Variants in GCFC2 observed in about 807,000 individuals in gnomAD.
GCFC2 encodes GC-rich sequence DNA-binding factor 2.
In GCFC2, 102 loss-of-function variants were observed where a neutral mutation model predicts 99.4. The ratio of observed to expected loss-of-function variants is 1.03; its 90% CI spans 0.87 to 1.21. GCFC2 has a LOEUF of 1.21. Among genes scored for constraint, GCFC2 ranks in the 50% most tolerant of loss-of-function variants. The probability of loss-of-function intolerance (pLI) is 0.00; values close to 1 mark genes in which losing one functional copy is unlikely to be tolerated. For synonymous variants in GCFC2, 338 were observed against 316.8 expected, an observed-to-expected ratio of 1.07 and a Z score of -0.71; for missense variants, 973 against 920.9, an observed-to-expected ratio of 1.06 and a Z score of -0.73.
chr2:75,679,017 G>T (rs1231142741), intron 12 of GCFC2, among the ~76,000 whole-genome samples: 1 of 152,162 alleles, frequency 6.6e-6, no homozygotes, highest in African/African-American at 2.4e-5. Context: ...TTTAAATAGG[G>T]CTGCTGGGAT....
intron 12 of GCFC2, among the ~76,000 whole-genome samples, chr2:75,678,136 T>A (rs1195699500): frequency 1.3e-5 from 2 of 152,182 alleles, no homozygotes; most frequent in African/African-American, 4.8e-5. Flanking sequence ...TTAAAATAAA[T>A]ACATTTCACA....
chr2:75,690,176 G>C, intron 8 of GCFC2, 95 bp from the exon 9 acceptor site: 1 of 698,686 alleles, frequency 1.4e-6, no homozygotes, highest in Non-Finnish European at 2.5e-6. Flanking sequence ...CTGAAAATAA[G>C]TAATTTTATC....
In GCFC2 at chr2:75,692,085, C is replaced by G. The variant is rs1173535348; in HGVS notation, c.1036G>C (p.Glu346Gln). 2 of 1,488,928 alleles carry G rather than the reference C, an allele frequency of 1.3e-6. No homozygotes were observed. The highest frequency in any genetic ancestry group is 1.8e-6 in the Non-Finnish European group (2 of 1,103,654). 92.2% of individuals were successfully genotyped at this position (1,488,928 alleles called of 1,614,324 possible). A position where few individuals can be genotyped will look rare whatever the true frequency, so the allele number is the denominator to read the frequency against. ...AGTGCATGCATGGATGATTCTATTT[C>G]TTGGATGTTGATAATCTGAAATACA... The part of the protein sequence containing the change: ...CLNEKIINIQ[E>Q]IESSMHALLL... Residue 346 changes from glutamate (E) to glutamine (Q), a missense_variant, in exon 7 of 17, where the codon GAA becomes CAA. By Grantham distance (29) the Glu-to-Gln change is conservative (BLOSUM62 2). Transcript: ENST00000321027.
At chr2:75,685,503 A>T (rs1679773654) in intron 11 of GCFC2, among the ~76,000 whole-genome samples, 1 of 152,052 alleles carries the variant, frequency 6.6e-6, no homozygotes, top group South Asian at 2.1e-4. Context: ...TTCTTCCTAG[A>T]AACACTGTCT....
chr2:75,673,485 C>A lies in GCFC2; in HGVS notation c.1848G>T (p.Lys616Asn). ...GAATAAAAACATCATCTTCTACTGCCTTTTTCATTCTTGAAACAATGGATT... is the reference window on the plus strand; with the variant it reads ...GAATAAAAACATCATCTTCTACTGCATTTTTCATTCTTGAAACAATGGATT... ...LLKSIVSRMK[K>N]AVEDDVFIPL... Residue 616 changes from lysine (K) to asparagine (N), a missense_variant, in exon 13 of 17, where the codon AAG becomes AAT. Lys to Asn is a moderately conservative substitution (Grantham distance 94, BLOSUM62 0). Transcript: ENST00000321027. The A allele has an allele frequency of 7.0e-7, 1 of 1,418,784 alleles. No homozygotes were observed. Among genetic ancestry groups the A allele is most frequent in the Non-Finnish European group, 1.0e-6 (1 of 1,002,294 alleles). 87.9% of individuals were successfully genotyped at this position (1,418,784 alleles called of 1,614,324 possible). A position where few individuals can be genotyped will look rare whatever the true frequency, so the allele number is the denominator to read the frequency against.
Position 75,710,682 on chromosome 2 carries a change from G to T in GCFC2, c.174C>A (p.Pro58=). The change falls in exon 1 of 17, where the codon CCC becomes CCA. Residue 58 remains proline (P), a synonymous_variant. Coordinates refer to ENST00000321027, the MANE Select transcript of GCFC2 (RefSeq NM_003203.5). The part of the protein sequence containing the change: ...GGGRAQVAGL[P]HRVRGPRGRG... ...GGCCACGAGGGCCCCGAACCCGGTGGGGCAGTCCCGCCACCTGCGCGCGGC... is the reference window on the plus strand; with the variant it reads ...GGCCACGAGGGCCCCGAACCCGGTGTGGCAGTCCCGCCACCTGCGCGCGGC... 1.3e-6 allele frequency: 2 copies of T among 1,524,822 alleles called. No individual in the cohort carries two copies. The highest frequency in any genetic ancestry group is 2.4e-5 in the South Asian group (2 of 82,632). The allele number at this position is 1,524,822 out of a possible 1,614,324, so 94.5% of individuals were successfully genotyped here.
At chr2:75,712,846 A>G (rs1434435426), upstream of GCFC2, among the ~76,000 whole-genome samples, 1 of 152,202 alleles carries the variant, frequency 6.6e-6, no homozygotes, top group Non-Finnish European at 1.5e-5. Flanking sequence ...TCTTGAAATC[A>G]GTGAGACCAA....
chr2:75,700,208 T>C (rs183547643), intron 4 of GCFC2, among the ~76,000 whole-genome samples: 10 of 152,312 alleles, frequency 6.6e-5, no homozygotes, highest in Non-Finnish European at 1.3e-4. Context: ...CTTACTGTAT[T>C]GTACCAAGAC....
At chr2:75,697,045 C>T (rs1452410160) in intron 4 of GCFC2, among the ~76,000 whole-genome samples, 4 of 152,180 alleles carry the variant, frequency 2.6e-5, no homozygotes, top group African/African-American at 9.7e-5. Context: ...CGTGGCCTCC[C>T]AAAGTATTGG....
rs771504519 is a variant in GCFC2, at chr2:75,692,113, T to A, written c.1021-13A>T. The A allele has an allele frequency of 1.6e-5, 21 of 1,340,088 alleles. No individual in the cohort carries two copies. The highest frequency in any genetic ancestry group is 2.0e-4 in the Middle Eastern group (1 of 4,960). 83.0% of individuals were successfully genotyped at this position (1,340,088 alleles called of 1,614,324 possible). A position where few individuals can be genotyped will look rare whatever the true frequency, so the allele number is the denominator to read the frequency against. On this transcript the variant is annotated splice_polypyrimidine_tract_variant and intron_variant, in intron 6 of 16. Coordinates refer to ENST00000321027, the MANE Select transcript of GCFC2 (RefSeq NM_003203.5). ...GGATGTTGATAATCTGAAATACACA[T>A]ATAAGTAACATTTTGCAGGTCATCG...
chr2:75,687,914 T>A lies in GCFC2; in HGVS notation c.1603A>T (p.Ser535Cys). ...CTTTCCTTCTTTGAATCTTCCACACTGCTATCCATAAATTCTTCTACAGAT... is the reference window on the plus strand; with the variant it reads ...CTTTCCTTCTTTGAATCTTCCACACAGCTATCCATAAATTCTTCTACAGAT... ...FKSVEEFMDS[S>C]VEDSKKESSS... The change falls in exon 11 of 17, where the codon AGT (serine) becomes TGT (cysteine). Residue 535 changes from serine to cysteine, a missense_variant. Physicochemically the swap from Ser to Cys is moderately radical, Grantham distance 112. Coordinates refer to ENST00000321027, the MANE Select transcript of GCFC2 (RefSeq NM_003203.5). 1 of 1,596,724 alleles carries A rather than the reference T, an allele frequency of 6.3e-7. No homozygotes were observed. Among genetic ancestry groups the A allele is most frequent in the Non-Finnish European group, 8.6e-7 (1 of 1,166,002 alleles).
At chr2:75,700,223 A>G (rs1257470287) in intron 4 of GCFC2, among the ~76,000 whole-genome samples, 1 of 152,116 alleles carries the variant, frequency 6.6e-6, no homozygotes, top group African/African-American at 2.4e-5. Context: ...CAAGACCCCT[A>G]TTGTTGGATA....
chr2:75,701,973 G>A (rs1680613365), intron 3 of GCFC2: 1 of 1,304,956 alleles, frequency 7.7e-7, no homozygotes, highest in Non-Finnish European at 9.7e-7. Flanking sequence ...AAACATCAAG[G>A]TGGGAGGTCA....
intron 2 of GCFC2, among the ~76,000 whole-genome samples, chr2:75,704,287 A>G (rs544499084): frequency 1.3e-5 from 2 of 152,324 alleles, no homozygotes; most frequent in Admixed American, 1.3e-4. Context: ...TCTCTGCTAG[A>G]GGGACTATTT....
At chr2:75,689,275 T>G in intron 9 of GCFC2, 50 bp from the exon 10 acceptor site, 1 of 999,110 alleles carries the variant, frequency 1.0e-6, no homozygotes, top group Non-Finnish European at 1.6e-6. Context: ...GAACTTTAAG[T>G]ATGCTTCCTT....
At chr2:75,685,440 G>C (rs1679769864) in intron 11 of GCFC2, among the ~76,000 whole-genome samples, 1 of 152,090 alleles carries the variant, frequency 6.6e-6, no homozygotes, top group Non-Finnish European at 1.5e-5. Flanking sequence ...TCCAATGATT[G>C]ATTCTAATCC....
Position 75,691,964 on chromosome 2 carries a change from GA to G in GCFC2, c.1144+12del. ...ATGAATAATAAATTGTATGGAACAC[GA>G]AAAACACTAACGTGATAACTGTTGT... On this transcript the variant is annotated intron_variant, in intron 7 of 16. Transcript: ENST00000321027. 3.5e-6 allele frequency: 5 copies of G among 1,420,402 alleles called. No individual in the cohort carries two copies. Among genetic ancestry groups the G allele is most frequent in the Admixed American group, 2.2e-5 (1 of 45,592 alleles). 88.0% of individuals were successfully genotyped at this position (1,420,402 alleles called of 1,614,324 possible).
Position 75,689,169 on chromosome 2 carries a change from T to TA in GCFC2, c.1395dup (p.Asn466Ter), listed in dbSNP as rs1173340330. 3.1e-6 allele frequency: 5 copies of TA among 1,605,682 alleles called. No individual in the cohort carries two copies. In the East Asian group the frequency reaches 9.0e-5, roughly 29 times the overall value. ...AATTTCAACAAAATATTCTGGATGT[T>TA]ACAAAAATCATCTTGCACTTCTTCA... On this transcript the variant is annotated frameshift_variant, in exon 10 of 17. Coordinates refer to ENST00000321027, the MANE Select transcript of GCFC2 (RefSeq NM_003203.5). LOFTEE classifies it high-confidence loss of function.
Position 75,689,970 on chromosome 2 carries a change from T to A in GCFC2, c.1338A>T (p.Gln446His), listed in dbSNP as rs1327882570. 1 of 1,544,750 alleles carries A rather than the reference T, an allele frequency of 6.5e-7. No homozygotes were observed. The highest frequency in any genetic ancestry group is 2.3e-5 in the East Asian group (1 of 44,332). ...TATATTAGAAACTTGGTAACTGACC[T>A]TGGCTTTTTTGGAAGTCAATCATCT... The part of the protein sequence containing the change: ...SAEMIDFQKS[Q>H]GDILQKQKKV... Residue 446 changes from glutamine to histidine, a missense_variant and splice_region_variant, in exon 9 of 17, where the codon CAA becomes CAT. Gln to His is a conservative substitution (Grantham distance 24). Transcript: ENST00000321027.
Sources: gnomAD v4.1 joint callset for allele counts (sites outside exome capture counted in the v4.1 genomes callset) on GRCh38, gnomAD v4.1.1 for gene constraint, MANE v1.5 for transcripts, NCBI Gene and HGNC (gene_info 2026-07-23, HGNC 2026-07-21) for gene names.